Variants in TAFA1 observed in about 807,000 individuals in gnomAD.
The protein encoded by TAFA1 is TAFA chemokine like family member 1.
A neutral mutation model predicts 18.5 loss-of-function variants in TAFA1; 4 were observed. The ratio of observed to expected loss-of-function variants is 0.22; its 90% confidence interval spans 0.11 to 0.49. The LOEUF (loss-of-function observed/expected upper bound fraction) is 0.49, where lower values mean the gene tolerates loss of function less well. TAFA1 is among the 20% of genes least tolerant of loss of function. The probability of loss-of-function intolerance (pLI) is 0.98; values close to 1 mark genes in which losing one functional copy is unlikely to be tolerated. For synonymous variants in TAFA1, 56 were observed against 55.2 expected (o/e 1.01, Z -0.06); for missense variants, 147 against 169.0 (o/e 0.87, Z 0.72).
At chr3:68,356,303 A>G (rs980119120) in intron 2 of TAFA1, among the ~76,000 whole-genome samples, 5 of 151,878 alleles carry the variant, frequency 3.3e-5, no homozygotes, top group Non-Finnish European at 1.5e-5. Context: ...CAGTTTCCTC[A>G]TATATATTAT....
At chr3:68,126,757 G>A (rs1414610388) in intron 2 of TAFA1, among the ~76,000 whole-genome samples, 1 of 152,112 alleles carries the variant, frequency 6.6e-6, no homozygotes, top group Non-Finnish European at 1.5e-5. Context: ...CATGTTATGT[G>A]GACATTCAAT....
At chr3:68,338,460 T>C (rs570746264) in intron 2 of TAFA1, among the ~76,000 whole-genome samples, 1 of 152,344 alleles carries the variant, frequency 6.6e-6, no homozygotes, top group Non-Finnish European at 1.5e-5. Flanking sequence ...AAATGCTATC[T>C]AATAAAAATA....
intron 2 of TAFA1, among the ~76,000 whole-genome samples, chr3:68,102,012 T>A (rs1369654817): frequency 6.6e-6 from 1 of 152,160 alleles, no homozygotes; most frequent in Non-Finnish European, 1.5e-5. Context: ...AATTTTTTAA[T>A]CAAGTGTCTT....
upstream of TAFA1, among the ~76,000 whole-genome samples, chr3:68,003,495 T>A (rs1223274402): frequency 2.6e-5 from 4 of 152,130 alleles, no homozygotes; most frequent in African/African-American, 9.7e-5. Context: ...GCTTTATAAG[T>A]GATTTGTGAA....
intron 3 of TAFA1, among the ~76,000 whole-genome samples, chr3:68,487,759 A>G (rs905656297): frequency 3.6e-4 from 54 of 151,400 alleles, no homozygotes; most frequent in Non-Finnish European, 5.9e-4. Context: ...CTCAAAAAAA[A>G]AAAAAAAAAA....
At chr3:68,399,655 GTAA>G (rs1277904672) in intron 2 of TAFA1, among the ~76,000 whole-genome samples, 2 of 151,800 alleles carry the variant, frequency 1.3e-5, no homozygotes, top group Non-Finnish European at 2.9e-5. Flanking sequence ...AATAATAATA[GTAA>G]TAAAAACGAC....
At chr3:68,124,973 C>A (rs1353688687) in intron 2 of TAFA1, among the ~76,000 whole-genome samples, 1 of 152,178 alleles carries the variant, frequency 6.6e-6, no homozygotes, top group African/African-American at 2.4e-5. Context: ...TAGAAGCAAA[C>A]AAAATCGTCA....
At chr3:68,467,757 G>T (rs1257551700) in intron 3 of TAFA1, among the ~76,000 whole-genome samples, 1 of 152,152 alleles carries the variant, frequency 6.6e-6, no homozygotes. Flanking sequence ...GGTTTCAAGG[G>T]TGAGCAGATT....
intron 4 of TAFA1, among the ~76,000 whole-genome samples, chr3:68,541,443 ATTC>A (rs2073372970): frequency 1.3e-5 from 2 of 152,194 alleles, no homozygotes; most frequent in South Asian, 4.1e-4. Flanking sequence ...CATCTTATGT[ATTC>A]TTCTCCATCA....
At chr3:68,272,080 T>A (rs994026808) in intron 2 of TAFA1, among the ~76,000 whole-genome samples, 2 of 152,118 alleles carry the variant, frequency 1.3e-5, no homozygotes, top group African/African-American at 2.4e-5. Context: ...CAGAGTGAAA[T>A]ATGCCTTTGT....
chr3:68,285,168 GGCAA>G (rs1319957402), intron 2 of TAFA1, among the ~76,000 whole-genome samples: 2 of 152,066 alleles, frequency 1.3e-5, no homozygotes, highest in African/African-American at 2.4e-5. Context: ...AAAGAAGCAA[GGCAA>G]AAAGAGTTAT....
intron 2 of TAFA1, among the ~76,000 whole-genome samples, chr3:68,115,068 A>G (rs1043005004): frequency 2.0e-5 from 3 of 152,238 alleles, no homozygotes; most frequent in African/African-American, 7.2e-5. Context: ...TGATAAGTAA[A>G]AATGTCAGAA....
intron 2 of TAFA1, among the ~76,000 whole-genome samples, chr3:68,143,271 C>CT (rs1449524437): frequency 1.3e-5 from 2 of 152,108 alleles, no homozygotes; most frequent in Non-Finnish European, 2.9e-5. Flanking sequence ...CACTTACTGT[C>CT]TAATAGCTAA....
intron 2 of TAFA1, among the ~76,000 whole-genome samples, chr3:68,213,609 GTCA>G (rs2066620632): frequency 6.6e-6 from 1 of 152,056 alleles, no homozygotes; most frequent in African/African-American, 2.4e-5. Flanking sequence ...TCGGAGAAAT[GTCA>G]TCAAGACTGT....
chr3:68,050,692 A>G (rs1244213342), intron 2 of TAFA1, among the ~76,000 whole-genome samples: 1 of 152,096 alleles, frequency 6.6e-6, no homozygotes, highest in East Asian at 1.9e-4. Flanking sequence ...AAGAGGCCAG[A>G]TTTTCAGCTT....
At chr3:68,536,229 A>G (rs1392058467) in intron 3 of TAFA1, among the ~76,000 whole-genome samples, 4 of 152,210 alleles carry the variant, frequency 2.6e-5, no homozygotes, top group South Asian at 2.1e-4. Flanking sequence ...GGGCAGAGAG[A>G]TGTCTGGATG....
chr3:68,100,169 G>C (rs993818236), intron 2 of TAFA1, among the ~76,000 whole-genome samples: 4 of 151,912 alleles, frequency 2.6e-5, no homozygotes, highest in African/African-American at 9.7e-5. Context: ...AATTAAAAAA[G>C]CAAAAAAACC....
chr3:68,345,858 A>T (rs2069156198), intron 2 of TAFA1, among the ~76,000 whole-genome samples: 1 of 152,192 alleles, frequency 6.6e-6, no homozygotes, highest in Non-Finnish European at 1.5e-5. Flanking sequence ...TATACTGAGG[A>T]TACTTGGTAA....
intron 2 of TAFA1, among the ~76,000 whole-genome samples, chr3:68,222,139 T>C (rs890972040): frequency 7.9e-5 from 12 of 152,070 alleles, no homozygotes; most frequent in African/African-American, 2.7e-4. Context: ...GATTTACAAG[T>C]TAAACGTTAA....
Sources: gnomAD v4.1 joint callset for allele counts (sites outside exome capture counted in the v4.1 genomes callset) on GRCh38, gnomAD v4.1.1 for gene constraint, MANE v1.5 for transcripts, NCBI Gene and HGNC (gene_info 2026-07-23, HGNC 2026-07-21) for gene names.